OPCML: variants seen among roughly 807,000 people sequenced by gnomAD.
The protein encoded by OPCML is opioid-binding protein/cell adhesion molecule.
A neutral mutation model predicts 37.8 loss-of-function variants in OPCML; 13 were observed. The observed-to-expected ratio is 0.34, with a 90% confidence interval of 0.22 to 0.55. The LOEUF is 0.55. Among genes scored for constraint, OPCML ranks in the 20% least tolerant of loss-of-function variants. The pLI is 0.91. For missense variants in OPCML, 341 were observed against 435.6 expected (o/e 0.78, Z 1.93); for synonymous variants, 176 against 168.8 (o/e 1.04, Z -0.33).
chr11:132,656,721 T>C (rs1187176865), intron 3 of OPCML, among the ~76,000 whole-genome samples: 1 of 152,184 alleles, frequency 6.6e-6, no homozygotes, highest in East Asian at 1.9e-4. Context: ...TCTTTTATCA[T>C]GAAATAAGCC....
At chr11:133,107,602 T>C (rs1167850873) in intron 1 of OPCML, among the ~76,000 whole-genome samples, 1 of 152,222 alleles carries the variant, frequency 6.6e-6, no homozygotes, top group African/African-American at 2.4e-5. Flanking sequence ...TTCTTCATTG[T>C]TGCCATTCAC....
chr11:133,008,628 A>G (rs1947157529), intron 1 of OPCML, among the ~76,000 whole-genome samples: 1 of 152,184 alleles, frequency 6.6e-6, no homozygotes, highest in African/African-American at 2.4e-5. Context: ...TTCTAGGACT[A>G]GGGCTATATG....
rs542358882 is a variant in OPCML at position 132,484,710 on chromosome 11, C to T, written c.505+44351G>A. Among the ~76,000 whole-genome samples, 38 of 152,190 alleles carry T rather than the reference C, an allele frequency of 2.5e-4. No homozygotes were observed. The East Asian group carries it at 6.7e-3, about 27-fold the overall frequency. ...TAGACTGGATTAAGAAAATGTGGCA[C>T]ATATACACCATGGAATACTATGCAG... is the stretch of plus-strand genomic sequence containing the variant. On this transcript the variant is annotated intron_variant, in intron 4 of 7. Transcript: ENST00000524381.
At chr11:132,867,076 T>A (rs754925602) in intron 2 of OPCML, among the ~76,000 whole-genome samples, 19 of 152,222 alleles carry the variant, frequency 1.2e-4, no homozygotes, top group Non-Finnish European at 2.5e-4. Context: ...TTATAACAGG[T>A]AATAATTTGA....
At chr11:133,014,790 G>T (rs945955498) in intron 1 of OPCML, among the ~76,000 whole-genome samples, 2 of 152,172 alleles carry the variant, frequency 1.3e-5, no homozygotes, top group African/African-American at 4.8e-5. Flanking sequence ...TAGACATTTT[G>T]AACATTGGTC....
chr11:132,536,854 T>C (rs1302892095), intron 3 of OPCML, among the ~76,000 whole-genome samples: 1 of 152,176 alleles, frequency 6.6e-6, no homozygotes, highest in African/African-American at 2.4e-5. Flanking sequence ...TTCTGAATAT[T>C]TTCCTTCTGT....
intron 1 of OPCML, among the ~76,000 whole-genome samples, chr11:133,257,648 C>T (rs967688253): frequency 6.6e-6 from 1 of 152,164 alleles, no homozygotes; most frequent in Non-Finnish European, 1.5e-5. Flanking sequence ...ATTCTCAGTG[C>T]CCTCTCTTCC....
At chr11:133,186,684 A>G (rs1245885373) in intron 1 of OPCML, among the ~76,000 whole-genome samples, 1 of 152,154 alleles carries the variant, frequency 6.6e-6, no homozygotes, top group African/African-American at 2.4e-5. Flanking sequence ...CAGGTGTTCC[A>G]TAGGTTTGGG....
At chr11:133,349,874 A>C (rs1944089928) in intron 1 of OPCML, among the ~76,000 whole-genome samples, 1 of 152,236 alleles carries the variant, frequency 6.6e-6, no homozygotes, top group Non-Finnish European at 1.5e-5. Flanking sequence ...ATTTTTCTAC[A>C]TGAAATTCCA....
At chr11:133,409,125 A>G (rs1320113041) in intron 1 of OPCML, among the ~76,000 whole-genome samples, 1 of 152,188 alleles carries the variant, frequency 6.6e-6, no homozygotes, top group Non-Finnish European at 1.5e-5. Context: ...GTAACCCTCT[A>G]GAGCAGGCAT....
intron 1 of OPCML, among the ~76,000 whole-genome samples, chr11:133,168,322 A>C (rs1441266615): frequency 6.6e-6 from 1 of 152,094 alleles, no homozygotes; most frequent in Non-Finnish European, 1.5e-5. Flanking sequence ...AGGCAGGGAA[A>C]CTGGGGCTTG....
intron 2 of OPCML, among the ~76,000 whole-genome samples, chr11:132,802,014 C>T (rs571453504): frequency 6.6e-6 from 1 of 152,220 alleles, no homozygotes; most frequent in African/African-American, 2.4e-5. Flanking sequence ...CTCATCATCC[C>T]GAACCCAGCC....
intron 1 of OPCML, among the ~76,000 whole-genome samples, chr11:132,983,399 T>A (rs1946627750): frequency 6.6e-6 from 1 of 152,232 alleles, no homozygotes; most frequent in Non-Finnish European, 1.5e-5. Flanking sequence ...ATATTTCATT[T>A]TTTTTTCCTG....
At chr11:132,764,600 C>T (rs367583196) in intron 2 of OPCML, among the ~76,000 whole-genome samples, 1 of 152,082 alleles carries the variant, frequency 6.6e-6, no homozygotes, top group African/African-American at 2.4e-5. Flanking sequence ...CATGTAAATC[C>T]CTCATCATAA....
chr11:132,875,911 C>A (rs1942992497), intron 2 of OPCML, among the ~76,000 whole-genome samples: 1 of 152,220 alleles, frequency 6.6e-6, no homozygotes, highest in Non-Finnish European at 1.5e-5. Flanking sequence ...TATCGACATA[C>A]AAACTGCATT....
intron 1 of OPCML, chr11:133,360,526 A>G (rs1397151704): frequency 6.6e-6 from 1 of 152,060 alleles, no homozygotes; most frequent in Admixed American, 6.5e-5. Context: ...TTTGACAGGA[A>G]TTGTGGAAAA....
rs570529609 is a variant in OPCML, at chr11:133,054,981, C to T, written c.62-111971G>A. Among the ~76,000 whole-genome samples the T allele has an allele frequency of 8.2e-5, 12 of 146,362 alleles. No homozygotes were observed. In the East Asian group the frequency reaches 8.3e-4, roughly 10 times the overall value. ...AGACCCCACGAGGGAGCACCTCTAT[C>T]GTACAATGCTGCCTCCATGATACTT... On this transcript the variant is annotated intron_variant, in intron 1 of 7. Coordinates refer to ENST00000524381, the MANE Select transcript of OPCML (RefSeq NM_001012393.5).
At chr11:132,740,636 G>A (rs563083385) in intron 2 of OPCML, among the ~76,000 whole-genome samples, 5 of 151,970 alleles carry the variant, frequency 3.3e-5, no homozygotes, top group African/African-American at 7.2e-5. Context: ...AGTCTGTTTC[G>A]TAATGTGCCA....
At chr11:132,627,140 G>T (rs905514184) in intron 3 of OPCML, among the ~76,000 whole-genome samples, 5 of 152,000 alleles carry the variant, frequency 3.3e-5, no homozygotes, top group African/African-American at 4.8e-5. Flanking sequence ...CTTAGGAAGA[G>T]GAGATATAAG....
Sources: allele counts gnomAD v4.1 joint callset (sites outside exome capture counted in the v4.1 genomes callset), GRCh38; gene constraint gnomAD v4.1.1; transcripts MANE v1.5; gene names NCBI Gene and HGNC (gene_info 2026-07-23, HGNC 2026-07-21).